Variants in CREB3L1 observed in about 807,000 individuals in gnomAD.
CREB3L1 encodes the protein cyclic AMP-responsive element-binding protein 3-like protein 1.
CREB3L1 carries 33 observed loss-of-function variants against 54.5 expected under a neutral mutation model. The ratio of observed to expected loss-of-function variants is 0.61; its 90% CI spans 0.46 to 0.81. The LOEUF (loss-of-function observed/expected upper bound fraction) is 0.81. CREB3L1 is among the 30% of genes least tolerant of loss of function. The pLI is 0.00. For synonymous variants in CREB3L1, 284 were observed against 286.4 expected (o/e 0.99, Z 0.08); for missense variants, 656 against 673.3 (o/e 0.97, Z 0.29).
intron 1 of CREB3L1, among the ~76,000 whole-genome samples, chr11:46,288,523 G>A (rs1939089013): frequency 6.6e-6 from 1 of 152,196 alleles, no homozygotes; most frequent in Non-Finnish European, 1.5e-5. Context: ...GTCCAGCCCT[G>A]CAGAGCCCTG....
In CREB3L1 at chr11:46,320,510, A is replaced by G. The variant is rs561913700; in HGVS notation, c.1505A>G (p.Lys502Arg). The stretch of plus-strand genomic sequence containing the variant: ...ACCAGCCCCGACTTCTCCCACTCCA[A>G]GGAGTGGTTCCACGACAGGTGGGGT... ...NGTSPDFSHS[K>R]EWFHDRDLGP... The change falls in exon 11 of 12, where the codon AAG (lysine) becomes AGG (arginine). Residue 502 changes from lysine to arginine, a missense_variant. Lys to Arg is a conservative substitution (Grantham distance 26). Coordinates refer to ENST00000621158, the MANE Select transcript of CREB3L1 (RefSeq NM_052854.4). The G allele has an allele frequency of 1.9e-6, 3 of 1,548,632 alleles. No homozygotes were observed. Among genetic ancestry groups the G allele is most frequent in the Non-Finnish European group, 2.6e-6 (3 of 1,152,376 alleles).
intron 8 of CREB3L1, among the ~76,000 whole-genome samples, chr11:46,314,710 CTTT>C (rs199547974): frequency 2.8e-5 from 4 of 141,486 alleles, no homozygotes; most frequent in Admixed American, 7.1e-5. Context: ...TTTTTATTTA[CTTT>C]TTTTTTTTTT....
At chr11:46,291,124 T>C (rs1239319518) in intron 1 of CREB3L1, among the ~76,000 whole-genome samples, 2 of 152,180 alleles carry the variant, frequency 1.3e-5, no homozygotes, top group Non-Finnish European at 2.9e-5. Context: ...CCCATCCGAC[T>C]GACTCAAGGA....
chr11:46,281,184 G>C (rs1938965699), intron 1 of CREB3L1, among the ~76,000 whole-genome samples: 1 of 152,180 alleles, frequency 6.6e-6, no homozygotes, highest in African/African-American at 2.4e-5. Context: ...TGTCCCATGT[G>C]GGGGCATCTC....
chr11:46,308,650 G>A (rs909230027), intron 3 of CREB3L1, among the ~76,000 whole-genome samples: 1 of 152,194 alleles, frequency 6.6e-6, no homozygotes, highest in Admixed American at 6.5e-5. Context: ...ACCCCCTAAG[G>A]TGCTTCTAGC....
At chr11:46,294,641 G>T (rs994981777) in intron 1 of CREB3L1, among the ~76,000 whole-genome samples, 2 of 151,322 alleles carry the variant, frequency 1.3e-5, no homozygotes, top group Non-Finnish European at 2.9e-5. Context: ...AGGAACCCCA[G>T]CTACTGGATG....
chr11:46,293,417 T>C (rs1590341056), intron 1 of CREB3L1, among the ~76,000 whole-genome samples: 1 of 152,198 alleles, frequency 6.6e-6, no homozygotes, highest in Admixed American at 6.5e-5. Context: ...TGCCAGGGGC[T>C]GGCTGGGAAA....
chr11:46,280,747 A>T lies in CREB3L1; in HGVS notation c.102+2534A>T, dbSNP rs1208417094. 3.9e-5 allele frequency among the ~76,000 whole-genome samples: 6 copies of T among 152,000 alleles called. No individual in the cohort carries two copies. The East Asian group carries it at 1.2e-3, about 29-fold the overall frequency. On this transcript the variant is annotated intron_variant, in intron 1 of 11. Coordinates refer to ENST00000621158, the MANE Select transcript of CREB3L1 (RefSeq NM_052854.4). ...TCTGGGGTCTCCATCTCCATATCCG[A>T]GGTTCTTTCCAGCTGAGATCCCATT...
chr11:46,319,001 A>G (rs1026682869), intron 10 of CREB3L1, among the ~76,000 whole-genome samples: 1 of 152,150 alleles, frequency 6.6e-6, no homozygotes, highest in Admixed American at 6.5e-5. Flanking sequence ...GGCAGCAGCA[A>G]TGCAAGGTCT....
In CREB3L1 at chr11:46,320,877, C is replaced by A; in HGVS notation, c.*131C>A. 1 of 956,624 alleles carries A rather than the reference C, an allele frequency of 1.0e-6. No individual in the cohort carries two copies. Among genetic ancestry groups the A allele is most frequent in the Non-Finnish European group, 1.7e-6 (1 of 605,244 alleles). The allele number at this position is 956,624 out of a possible 1,614,324, so 59.3% of individuals were successfully genotyped here. ...ATTCCAGGAGAAAAGGCTCCACTTC[C>A]CAGCCCTTCCTTGCCCCTGACATTT... is the stretch of plus-strand genomic sequence containing the variant. On this transcript the variant is annotated 3_prime_UTR_variant, in exon 12 of 12. Coordinates refer to ENST00000621158, the MANE Select transcript of CREB3L1 (RefSeq NM_052854.4).
chr11:46,303,037 G>A (rs1011310630), intron 2 of CREB3L1, among the ~76,000 whole-genome samples: 4 of 152,068 alleles, frequency 2.6e-5, no homozygotes, highest in Non-Finnish European at 5.9e-5. Flanking sequence ...TCTAGGTCAC[G>A]CCCACAGTAA....
chr11:46,281,009 A>G (rs1938962358), intron 1 of CREB3L1, among the ~76,000 whole-genome samples: 1 of 152,238 alleles, frequency 6.6e-6, no homozygotes, highest in African/African-American at 2.4e-5. Context: ...TATGCAAGAA[A>G]TACGCATGCA....
chr11:46,312,742 G>C (rs1939510845), intron 7 of CREB3L1, 72 bp downstream of exon 7: 2 of 1,559,560 alleles, frequency 1.3e-6, no homozygotes, highest in African/African-American at 2.7e-5. Context: ...CTCCCTCAGG[G>C]GGCAGCAGAG....
intron 4 of CREB3L1, among the ~76,000 whole-genome samples, chr11:46,310,760 G>A (rs141712317): frequency 9.3e-4 from 142 of 152,228 alleles, no homozygotes; most frequent in African/African-American, 3.2e-3. Context: ...CACGAATTCA[G>A]CTCCTATGAT....
At chr11:46,302,786 G>A (rs1034515364) in intron 2 of CREB3L1, among the ~76,000 whole-genome samples, 2 of 152,010 alleles carry the variant, frequency 1.3e-5, no homozygotes, top group Non-Finnish European at 2.9e-5. Context: ...TTCGAAACCT[G>A]CCCGACCAAC....
chr11:46,288,333 C>A (rs2136337464), intron 1 of CREB3L1, among the ~76,000 whole-genome samples: 1 of 152,324 alleles, frequency 6.6e-6, no homozygotes, highest in Middle Eastern at 3.4e-3. Context: ...CCGCCCGCCT[C>A]AGTCTCCCAA....
Position 46,317,492 on chromosome 11 carries a change from G to C in CREB3L1, c.1258+5G>C. On this transcript the variant is annotated splice_donor_5th_base_variant and intron_variant, in intron 10 of 11. Coordinates refer to ENST00000621158, the MANE Select transcript of CREB3L1 (RefSeq NM_052854.4). ...GCGTCTACACGGCCAGCCAGAGTGA[G>C]TGCCCGCCTGTCATGCCAGCTCCCT... The C allele has an allele frequency of 6.2e-7, 1 of 1,607,224 alleles. No homozygotes were observed. The highest frequency in any genetic ancestry group is 8.5e-7 in the Non-Finnish European group (1 of 1,179,776).
chr11:46,292,636 C>T (rs771324175), intron 1 of CREB3L1, among the ~76,000 whole-genome samples: 6 of 152,014 alleles, frequency 3.9e-5, no homozygotes, highest in Non-Finnish European at 8.8e-5. Flanking sequence ...TAGAAGATCC[C>T]GTTTTTTAGA....
At chr11:46,312,227 T>C in intron 5 of CREB3L1, 98 bp from the exon 6 acceptor site, 2 of 1,018,810 alleles carry the variant, frequency 2.0e-6, no homozygotes, top group Non-Finnish European at 2.8e-6. Flanking sequence ...CATAGAGCAT[T>C]GTGTGCCTTG....
Sources: allele counts gnomAD v4.1 joint callset (sites outside exome capture counted in the v4.1 genomes callset), GRCh38; gene constraint gnomAD v4.1.1; transcripts MANE v1.5; gene names NCBI Gene and HGNC (gene_info 2026-07-23, HGNC 2026-07-21).